The following SYNCRIP variants were observed in gnomAD, a reference collection of about 807,000 sequenced individuals.
SYNCRIP encodes the protein heterogeneous nuclear ribonucleoprotein Q.
A neutral mutation model predicts 68.9 loss-of-function variants in SYNCRIP; 9 were observed. That is an observed-to-expected ratio of 0.13 (90% CI 0.08 to 0.23). The LOEUF (loss-of-function observed/expected upper bound fraction) is 0.23, where lower values mean the gene tolerates loss of function less well. SYNCRIP is among the 10% of genes least tolerant of loss of function. The pLI is 1.00. For synonymous variants in SYNCRIP, 258 were observed against 254.0 expected, an observed-to-expected ratio of 1.02 and a Z score of -0.15; for missense variants, 414 against 770.6, an observed-to-expected ratio of 0.54 and a Z score of 5.48.
intron 1 of SYNCRIP, among the ~76,000 whole-genome samples, chr6:85,642,595 C>G (rs1809335987): frequency 6.6e-6 from 1 of 152,206 alleles, no homozygotes; most frequent in South Asian, 2.1e-4. Flanking sequence ...GCAGACAAAG[C>G]CCGAACCGCA....
At chr6:85,631,070 C>T (rs1028876406) in intron 6 of SYNCRIP, among the ~76,000 whole-genome samples, 2 of 152,036 alleles carry the variant, frequency 1.3e-5, no homozygotes, top group Admixed American at 6.5e-5. Flanking sequence ...TGGCTGGGCA[C>T]GGTGGCTCAC....
downstream of SYNCRIP, among the ~76,000 whole-genome samples, chr6:85,613,276 G>C (rs555232564): frequency 6.6e-6 from 1 of 151,936 alleles, no homozygotes; most frequent in South Asian, 2.1e-4. Flanking sequence ...CCATTTTTGA[G>C]ACATGAAGTA....
At chr6:85,619,059 G>A in intron 9 of SYNCRIP, 120 bp from the exon 10 acceptor site, 3 of 1,199,826 alleles carry the variant, frequency 2.5e-6, no homozygotes, top group Admixed American at 2.4e-5. Flanking sequence ...CATGCAGGCA[G>A]TCAAATAATT....
rs184472794 is a variant in SYNCRIP, at chr6:85,619,560, C to A, written c.1009-143G>T. ...TAAAAAAAAAAAAAGTTTTCAACTCCTTGGGTAAATATCAAGCAGCAGAAC... is the reference window on the plus strand; with the variant it reads ...TAAAAAAAAAAAAAGTTTTCAACTCATTGGGTAAATATCAAGCAGCAGAAC... On this transcript the variant is annotated intron_variant, in intron 8 of 10. Coordinates refer to ENST00000369622, the MANE Select transcript of SYNCRIP (RefSeq NM_006372.5). 4.0e-3 allele frequency: 2,835 copies of A among 701,554 alleles called. 14 individuals are homozygous for A. Among genetic ancestry groups the A allele is most frequent in the Middle Eastern group, 0.01 (25 of 2,460 alleles). The allele number at this position is 701,554 out of a possible 1,614,324, so 43.5% of individuals were successfully genotyped here.
chr6:85,624,229 T>C lies in SYNCRIP; in HGVS notation c.667-117A>G. ...AAAAAGTAGTTTACCTTAATTCCCA[T>C]ACAAGGGAATTATGAGGAACAGATT... On this transcript the variant is annotated intron_variant, in intron 6 of 10. Coordinates refer to ENST00000369622, the MANE Select transcript of SYNCRIP (RefSeq NM_006372.5). The C allele has an allele frequency of 5.2e-6, 5 of 959,914 alleles. 1 individual carries two copies. In the South Asian group the frequency reaches 6.6e-5, roughly 13 times the overall value. 59.5% of individuals were successfully genotyped at this position (959,914 alleles called of 1,614,324 possible).
intron 2 of SYNCRIP, 107 bp downstream of exon 2, chr6:85,641,185 C>T (rs1230299075): frequency 2.4e-6 from 2 of 834,270 alleles, no homozygotes; most frequent in African/African-American, 1.7e-5. Flanking sequence ...AAGCAAAACT[C>T]CAGTACCCAC....
intron 8 of SYNCRIP, among the ~76,000 whole-genome samples, chr6:85,621,935 TTG>T (rs1806459454): frequency 6.6e-6 from 1 of 152,204 alleles, no homozygotes; most frequent in African/African-American, 2.4e-5. Flanking sequence ...CATTACAAGA[TTG>T]TGATGGCTAT....
Position 85,615,105 on chromosome 6 carries a change from G to A in SYNCRIP, c.1523C>T (p.Pro508Leu), listed in dbSNP as rs769858049. 6.8e-6 allele frequency: 11 copies of A among 1,614,064 alleles called. No individual in the cohort carries two copies. The Admixed American group carries it at 8.3e-5, about 12-fold the overall frequency. Residue 508 changes from proline (P) to leucine (L), a missense_variant, in exon 11 of 11, where the codon CCA (proline) becomes CTA (leucine). By Grantham distance (98) the Pro-to-Leu change is moderately conservative. Coordinates refer to ENST00000369622, the MANE Select transcript of SYNCRIP (RefSeq NM_006372.5). ...RGGRGARGAA[P>L]SRGRGAAPPR... is the part of the protein sequence containing the mutation. The stretch of plus-strand genomic sequence containing the variant: ...AGGAGCAGCCCCACGACCTCTGGAT[G>A]GAGCAGCACCCCTTGCTCCTCTACC...
At chr6:85,616,276 T>G (rs2128279346) in intron 10 of SYNCRIP, among the ~76,000 whole-genome samples, 1 of 152,326 alleles carries the variant, frequency 6.6e-6, no homozygotes, top group Middle Eastern at 3.4e-3. Flanking sequence ...TTAATCCCTC[T>G]TGAAGGAATA....
At chr6:85,627,880 A>AACGTTCC (rs1024011534) in intron 6 of SYNCRIP, among the ~76,000 whole-genome samples, 1 of 152,184 alleles carries the variant, frequency 6.6e-6, no homozygotes, top group Non-Finnish European at 1.5e-5. Context: ...TACAGTCTGG[A>AACGTTCC]ACGTTCCTGT....
Position 85,637,234 on chromosome 6 carries a change from T to C in SYNCRIP, c.489+9A>G. ...TACTACAAAAGGTACAAGTTTTTAGTTGCTTTACCTCAGTGCCAACAGAAG... is the reference window on the plus strand; with the variant it reads ...TACTACAAAAGGTACAAGTTTTTAGCTGCTTTACCTCAGTGCCAACAGAAG... On this transcript the variant is annotated intron_variant, in intron 5 of 10. Coordinates refer to ENST00000369622, the MANE Select transcript of SYNCRIP (RefSeq NM_006372.5). 1 of 1,611,612 alleles carries C rather than the reference T, an allele frequency of 6.2e-7. No homozygotes were observed. The highest frequency in any genetic ancestry group is 8.5e-7 in the Non-Finnish European group (1 of 1,179,130).
intron 8 of SYNCRIP, among the ~76,000 whole-genome samples, chr6:85,620,644 T>C (rs1348479798): frequency 6.6e-6 from 1 of 152,226 alleles, no homozygotes; most frequent in Non-Finnish European, 1.5e-5. Context: ...ATGTAAACTA[T>C]GGACTTTAGG....
chr6:85,611,357 ATGAT>A (rs1383318232), downstream of SYNCRIP: 2 of 152,582 alleles, frequency 1.3e-5, no homozygotes, highest in Non-Finnish European at 2.9e-5. Flanking sequence ...GGAATGCAAA[ATGAT>A]TGTTTGCCAT....
rs1806071403 is a variant in SYNCRIP at position 85,618,804 on chromosome 6, C to T, written c.1280+14G>A. ...AAAATTTATACAATTTTTAAGTATA[C>T]AAATTTCACTCACATTTGATTTTTT... On this transcript the variant is annotated intron_variant, in intron 10 of 10. Coordinates refer to ENST00000369622, the MANE Select transcript of SYNCRIP (RefSeq NM_006372.5). 6.3e-7 allele frequency: 1 copy of T among 1,575,830 alleles called. No homozygotes were observed. Among genetic ancestry groups the T allele is most frequent in the Non-Finnish European group, 8.6e-7 (1 of 1,158,946 alleles).
At chr6:85,634,137 T>G (rs1300231955) in intron 6 of SYNCRIP, among the ~76,000 whole-genome samples, 2 of 152,226 alleles carry the variant, frequency 1.3e-5, no homozygotes, top group African/African-American at 4.8e-5. Context: ...TTAATAAGAC[T>G]ATATTCTAAG....
At chr6:85,626,905 A>G (rs1048564428) in intron 6 of SYNCRIP, among the ~76,000 whole-genome samples, 7 of 152,208 alleles carry the variant, frequency 4.6e-5, no homozygotes, top group African/African-American at 1.7e-4. Context: ...AACAACATAA[A>G]TAACACAAAG....
At chr6:85,617,709 T>C (rs1274780233) in intron 10 of SYNCRIP, among the ~76,000 whole-genome samples, 1 of 152,236 alleles carries the variant, frequency 6.6e-6, no homozygotes, top group East Asian at 1.9e-4. Context: ...AAACTAGAAC[T>C]TGATCAATTC....
At position 85,614,289 on chromosome 6, in the gene SYNCRIP, C is replaced by T; in HGVS notation, c.*467G>A. The T allele has an allele frequency of 1.0e-6, 1 of 985,988 alleles. No homozygotes were observed. The highest frequency in any genetic ancestry group is 1.2e-6 in the Non-Finnish European group (1 of 830,058). The allele number at this position is 985,988 out of a possible 1,614,324, so 61.1% of individuals were successfully genotyped here. A position where few individuals can be genotyped will look rare whatever the true frequency, so the allele number is the denominator to read the frequency against. On this transcript the variant is annotated 3_prime_UTR_variant, in exon 11 of 11. Transcript: ENST00000369622. ...CAAGTAGCCAAAATGGTTTTGAAAA[C>T]CCAAATTAGGTCAAAGTTCTAAATT...
At chr6:85,636,840 G>C in intron 6 of SYNCRIP, 127 bp downstream of exon 6, 1 of 754,200 alleles carries the variant, frequency 1.3e-6, no homozygotes, top group Non-Finnish European at 2.0e-6. Flanking sequence ...AGTGATGTGG[G>C]AAAAAAAAAA....
Sources: allele counts gnomAD v4.1 joint callset (sites outside exome capture counted in the v4.1 genomes callset), GRCh38; gene constraint gnomAD v4.1.1; transcripts MANE v1.5; gene names NCBI Gene and HGNC (gene_info 2026-07-23, HGNC 2026-07-21).